Variants in RCAN1 observed in about 807,000 individuals in gnomAD.
The protein encoded by RCAN1 is regulator of calcineurin 1.
A neutral mutation model predicts 22.9 loss-of-function variants in RCAN1; 11 were observed. That is an observed-to-expected ratio of 0.48 (90% CI 0.30 to 0.79). The LOEUF is 0.79. Among genes scored for constraint, RCAN1 ranks in the 30% least tolerant of loss-of-function variants. The pLI, the probability that RCAN1 is intolerant of heterozygous loss-of-function variation, is 0.06. For synonymous variants in RCAN1, 136 were observed against 142.3 expected (o/e 0.96, Z 0.32); for missense variants, 291 against 337.8 (o/e 0.86, Z 1.09).
chr21:34,574,921 C>T (rs1987360486), intron 1 of RCAN1, among the ~76,000 whole-genome samples: 1 of 152,152 alleles, frequency 6.6e-6, no homozygotes, highest in Non-Finnish European at 1.5e-5. Context: ...CAGGTTTTAG[C>T]GTCAAATTAT....
intron 1 of RCAN1, among the ~76,000 whole-genome samples, chr21:34,527,900 A>G (rs1985166952): frequency 6.6e-6 from 1 of 152,074 alleles, no homozygotes; most frequent in South Asian, 2.1e-4. Flanking sequence ...GAAAGAATGT[A>G]CACTATAATT....
Position 34,614,285 on chromosome 21 carries a change from T to C in RCAN1, c.252+475A>G. The stretch of plus-strand genomic sequence containing the variant: ...GCAACCACGGATCCTCACCCAAACA[T>C]TGGCTTTTCTTCCAATAGTGCAGAT... On this transcript the variant is annotated intron_variant, in intron 1 of 3. Coordinates refer to ENST00000313806, the MANE Select transcript of RCAN1 (RefSeq NM_004414.7). This position sits in a 1 kb window ranked among gnomAD's most constrained non-coding sequence, Gnocchi z 6.0. 10 of 991,714 alleles carry C rather than the reference T, an allele frequency of 1.0e-5. No homozygotes were observed. Among genetic ancestry groups the C allele is most frequent in the Non-Finnish European group, 1.2e-5 (10 of 834,416 alleles). 61.4% of individuals were successfully genotyped at this position (991,714 alleles called of 1,614,324 possible).
intron 1 of RCAN1, among the ~76,000 whole-genome samples, chr21:34,547,196 C>T (rs2123637880): frequency 6.6e-6 from 1 of 152,280 alleles, no homozygotes; most frequent in African/African-American, 2.4e-5. Flanking sequence ...CTACAGGAGC[C>T]TGAGCCCAGG....
At chr21:34,524,787 TTACAAGCTTAGGTTGCTCAGGG>T (rs1984887209) in intron 1 of RCAN1, 1 of 307,952 alleles carries the variant, frequency 3.2e-6, no homozygotes, top group African/African-American at 2.1e-5. Flanking sequence ...AGGTGGGGGA[TTACAAGCTTAGGTTGCTCAGGG>T]GACAGCCCCC....
At chr21:34,526,871 C>T in intron 1 of RCAN1, 2 of 1,459,984 alleles carry the variant, frequency 1.4e-6, no homozygotes, top group Non-Finnish European at 1.8e-6. Flanking sequence ...GGGCCAGCCC[C>T]CACTCCCTGG....
chr21:34,551,673 C>T (rs1986372739), intron 1 of RCAN1, among the ~76,000 whole-genome samples: 1 of 152,118 alleles, frequency 6.6e-6, no homozygotes, highest in Admixed American at 6.6e-5. Flanking sequence ...TCTCCCAAAC[C>T]TTTGTTCATT....
chr21:34,521,765 G>C (rs537583558), intron 2 of RCAN1, 107 bp from the exon 3 acceptor site: 2 of 890,016 alleles, frequency 2.2e-6, no homozygotes, highest in Non-Finnish European at 3.4e-6. Context: ...ATGTCCAGGC[G>C]TCAGGACAGG....
chr21:34,575,428 G>A (rs926030834), intron 1 of RCAN1, among the ~76,000 whole-genome samples: 7 of 152,188 alleles, frequency 4.6e-5, no homozygotes, highest in East Asian at 1.9e-4. Flanking sequence ...TTCTCAAGGC[G>A]AGCCCACTGA....
intron 1 of RCAN1, among the ~76,000 whole-genome samples, chr21:34,531,337 G>A (rs1411295563): frequency 6.6e-6 from 1 of 152,122 alleles, no homozygotes; most frequent in Non-Finnish European, 1.5e-5. Context: ...CCCGCCTTGG[G>A]CCAATGCCCT....
rs758302031 is a variant in RCAN1, at chr21:34,521,464, C to T, written c.586+35G>A. On this transcript the variant is annotated intron_variant, in intron 3 of 3. Transcript: ENST00000313806. ...TGGTGCAGGGCAGCAGCTGTGTCTC[C>T]CCCTGCCTCCCTCCCACCCGAGGGC... 7 of 1,613,544 alleles carry T rather than the reference C, an allele frequency of 4.3e-6. No individual in the cohort carries two copies. In the African/African-American group the frequency reaches 9.3e-5, roughly 22 times the overall value.
At chr21:34,523,106 G>C (rs1481954048) in intron 2 of RCAN1, 2 of 154,466 alleles carry the variant, frequency 1.3e-5, no homozygotes, top group African/African-American at 4.8e-5. Context: ...GCAGACTCCT[G>C]TTTCTCTGCT....
chr21:34,531,892 C>T (rs936595631), intron 1 of RCAN1, among the ~76,000 whole-genome samples: 3 of 152,036 alleles, frequency 2.0e-5, no homozygotes, highest in Non-Finnish European at 4.4e-5. Flanking sequence ...AGGAAGCCAA[C>T]AATGACCCCC....
intron 1 of RCAN1, among the ~76,000 whole-genome samples, chr21:34,526,092 T>G (rs2298344): frequency 0.041 from 6,167 of 152,212 alleles, 188 homozygotes; most frequent in East Asian, 0.15. Context: ...AGAAGAAAAG[T>G]GTAGTGATTA....
At chr21:34,540,141 A>C (rs56338725) in intron 1 of RCAN1, among the ~76,000 whole-genome samples, 1 of 152,074 alleles carries the variant, frequency 6.6e-6, no homozygotes, top group Admixed American at 6.5e-5. Context: ...GGAAGGTTAC[A>C]TAATAAACTT....
chr21:34,602,531 C>G (rs1272177168), intron 1 of RCAN1, among the ~76,000 whole-genome samples: 1 of 152,134 alleles, frequency 6.6e-6, no homozygotes, highest in Non-Finnish European at 1.5e-5. Context: ...GAAGGGTGGT[C>G]TGTTTTGAGG....
At chr21:34,562,074 C>G (rs1238685537) in intron 1 of RCAN1, among the ~76,000 whole-genome samples, 1 of 152,228 alleles carries the variant, frequency 6.6e-6, no homozygotes, top group Non-Finnish European at 1.5e-5. Flanking sequence ...CTGCCCCATA[C>G]TTTCTGTGAG....
intron 1 of RCAN1, among the ~76,000 whole-genome samples, chr21:34,544,063 G>A (rs1189111311): frequency 2.0e-5 from 3 of 152,260 alleles, no homozygotes; most frequent in Non-Finnish European, 2.9e-5. Flanking sequence ...ATAGGTAGGT[G>A]CTTTTCAGAC....
intron 3 of RCAN1, among the ~76,000 whole-genome samples, chr21:34,519,401 T>C (rs113851436): frequency 6.8e-4 from 86 of 126,796 alleles, no homozygotes; most frequent in East Asian, 1.7e-3. Flanking sequence ...TTCTTTCTTT[T>C]TTTTTTTTTT....
intron 3 of RCAN1, among the ~76,000 whole-genome samples, chr21:34,520,286 G>A (rs1984404581): frequency 6.6e-6 from 1 of 152,118 alleles, no homozygotes; most frequent in Admixed American, 6.5e-5. Flanking sequence ...TGGAACTGTG[G>A]ACACCTCTTT....
Sources: gnomAD v4.1 joint callset for allele counts (sites outside exome capture counted in the v4.1 genomes callset) on GRCh38, gnomAD v4.1.1 for gene constraint, Gnocchi (gnomAD v3.1) non-coding constraint, MANE v1.5 for transcripts, NCBI Gene and HGNC (gene_info 2026-07-23, HGNC 2026-07-21) for gene names.